The following LHFPL1 variants were observed in gnomAD, a reference collection of about 807,000 sequenced individuals.
LHFPL1 encodes the protein LHFPL tetraspan subfamily member 1 protein.
In LHFPL1, 4 loss-of-function variants were observed where a neutral mutation model predicts 12.1. That is an observed-to-expected ratio of 0.33 (90% CI 0.16 to 0.76). The LOEUF (loss-of-function observed/expected upper bound fraction) is 0.76. Ranked by LOEUF, LHFPL1 falls within the 30% of genes least tolerant of loss-of-function variation. LHFPL1 has a pLI of 0.61. For synonymous variants in LHFPL1, 52 were observed against 61.9 expected (o/e 0.84, Z 0.75); for missense variants, 141 against 174.1 (o/e 0.81, Z 1.07).
At chrX:112,640,223 T>C (rs1026155351) in intron 3 of LHFPL1, among the ~76,000 whole-genome samples, 1 of 111,055 alleles carries the variant, frequency 9.0e-6, no homozygotes, top group Non-Finnish European at 1.9e-5. Flanking sequence ...GGAAATAGAC[T>C]ATTAGTGTGA....
chrX:112,654,473 T>G (rs1323872476), intron 3 of LHFPL1, among the ~76,000 whole-genome samples: 1 of 111,233 alleles, frequency 9.0e-6, no homozygotes, highest in Admixed American at 9.6e-5. Context: ...AAACGCAAGG[T>G]GCAGAACAGT....
chrX:112,652,783 T>C (rs917512050), intron 3 of LHFPL1, among the ~76,000 whole-genome samples: 2 of 112,254 alleles, frequency 1.8e-5, no homozygotes, highest in Non-Finnish European at 3.8e-5. Context: ...TTGAGGTATA[T>C]GAGAGTCTTA....
intron 3 of LHFPL1, among the ~76,000 whole-genome samples, chrX:112,643,243 G>A (rs1348717752): frequency 1.8e-5 from 2 of 108,349 alleles, no homozygotes; most frequent in Non-Finnish European, 3.8e-5. Context: ...GCCGGGCGTG[G>A]TGGTGCATGC....
intron 3 of LHFPL1, 66 bp from the exon 4 acceptor site, chrX:112,631,667 C>T (rs984506593): frequency 1.4e-4 from 115 of 808,656 alleles, no homozygotes; most frequent in Non-Finnish European, 1.9e-4. Context: ...TGGTAATGAA[C>T]TATAGAAATG....
At chrX:112,665,391 A>G (rs1035390814) in intron 2 of LHFPL1, among the ~76,000 whole-genome samples, 1 of 111,013 alleles carries the variant, frequency 9.0e-6, no homozygotes, top group Non-Finnish European at 1.9e-5. Flanking sequence ...GGGTTTCACC[A>G]TGTTGCCCAG....
At chrX:112,658,106 A>G (rs1448424685) in intron 3 of LHFPL1, among the ~76,000 whole-genome samples, 1 of 111,381 alleles carries the variant, frequency 9.0e-6, no homozygotes, top group African/African-American at 3.3e-5. Context: ...AACGAGGACA[A>G]CAACAGCAAA....
chrX:112,650,015 G>A (rs1930808892), intron 3 of LHFPL1, among the ~76,000 whole-genome samples: 1 of 109,112 alleles, frequency 9.2e-6, no homozygotes, highest in African/African-American at 3.3e-5. Context: ...TAAGTTTTTA[G>A]TGGGACCTAT....
chrX:112,649,855 T>C (rs995426038), intron 3 of LHFPL1, among the ~76,000 whole-genome samples: 3 of 111,636 alleles, frequency 2.7e-5, no homozygotes, highest in Non-Finnish European at 5.6e-5. Flanking sequence ...TCATAATATG[T>C]ATATTCATGA....
At chrX:112,657,909 C>CAAAAAAAAA (rs57793060) in intron 3 of LHFPL1, among the ~76,000 whole-genome samples, 2 of 61,341 alleles carry the variant, frequency 3.3e-5, no homozygotes, top group African/African-American at 9.2e-5. Flanking sequence ...AAAACAGAAG[C>CAAAAAAAAA]AAAAAAAAAA....
At chrX:112,655,573 T>C (rs1930974325) in intron 3 of LHFPL1, among the ~76,000 whole-genome samples, 1 of 111,477 alleles carries the variant, frequency 9.0e-6, no homozygotes, top group South Asian at 3.8e-4. Context: ...GGATTGATAA[T>C]GCCCGCCTCT....
intron 3 of LHFPL1, among the ~76,000 whole-genome samples, chrX:112,643,598 C>T (rs371455087): frequency 1.8e-5 from 2 of 110,489 alleles, no homozygotes; most frequent in South Asian, 3.9e-4. Context: ...GGGAAACTTT[C>T]GCCATGATTC....
intron 3 of LHFPL1, among the ~76,000 whole-genome samples, chrX:112,657,138 TTAAAA>T (rs1473113048): frequency 5.3e-5 from 6 of 112,639 alleles, no homozygotes; most frequent in South Asian, 3.6e-4. Flanking sequence ...ATAAGGAATC[TTAAAA>T]TAAAATAAAA....
rs762441555 is a variant in LHFPL1 at position 112,646,086 on chromosome X, T to C, written c.482-14485A>G. On this transcript the variant is annotated intron_variant, in intron 3 of 3. Transcript: ENST00000371968. ...TTCAGTGCAGGTTCCCGGTTAATGT[T>C]TGTTCATTTTCTGTTTTAAATATTT... Among the ~76,000 whole-genome samples the C allele has an allele frequency of 2.7e-5, 3 of 111,600 alleles. No individual in the cohort carries two copies. In the South Asian group the frequency reaches 1.1e-3, roughly 42 times the overall value.
At chrX:112,644,942 C>A (rs1569361974) in intron 3 of LHFPL1, among the ~76,000 whole-genome samples, 1 of 112,170 alleles carries the variant, frequency 8.9e-6, no homozygotes, top group Non-Finnish European at 1.9e-5. Flanking sequence ...TTTGAACTGG[C>A]AAGAATGAGC....
At chrX:112,639,444 C>A (rs1041786079) in intron 3 of LHFPL1, among the ~76,000 whole-genome samples, 2 of 111,732 alleles carry the variant, frequency 1.8e-5, no homozygotes, top group Non-Finnish European at 1.9e-5. Flanking sequence ...GGGTTTTCAA[C>A]TTCATCACGG....
chrX:112,668,856 G>T (rs996142062), intron 2 of LHFPL1, among the ~76,000 whole-genome samples: 1 of 112,153 alleles, frequency 8.9e-6, no homozygotes, highest in African/African-American at 3.2e-5. Flanking sequence ...GCAACCTGGG[G>T]GTATGGGAGC....
At position 112,631,592 on chromosome X, in the gene LHFPL1, C is replaced by G; in HGVS notation, c.491G>C (p.Arg164Pro). 8.4e-7 allele frequency: 1 copy of G among 1,193,381 alleles called. No homozygotes were observed. Among genetic ancestry groups the G allele is most frequent in the Non-Finnish European group, 1.1e-6 (1 of 882,421 alleles). ...AGCACAGTAATAGGCCCAGCCAAGC[C>G]GACAGGTACCTGTGAGAACAGGGAC... ...VSNQFQLGTC[R>P]LGWAYYCAGG... Residue 164 changes from arginine (R) to proline (P), a missense_variant, in exon 4 of 4, where the codon CGG becomes CCG. Arg to Pro is a moderately radical substitution (Grantham distance 103). Transcript: ENST00000371968.
chrX:112,669,156 T>C (rs1364950859), intron 2 of LHFPL1, among the ~76,000 whole-genome samples: 2 of 112,834 alleles, frequency 1.8e-5, no homozygotes, highest in African/African-American at 6.4e-5. Flanking sequence ...AACATCTGCT[T>C]TGTGCCAGCC....
At chrX:112,667,409 C>T (rs922018050) in intron 2 of LHFPL1, among the ~76,000 whole-genome samples, 4 of 111,930 alleles carry the variant, frequency 3.6e-5, no homozygotes, top group Non-Finnish European at 3.8e-5. Flanking sequence ...GAATGGGAAA[C>T]GAGACCAGAG....
Sources: allele counts gnomAD v4.1 joint callset (sites outside exome capture counted in the v4.1 genomes callset), GRCh38; gene constraint gnomAD v4.1.1; transcripts MANE v1.5; gene names NCBI Gene and HGNC (gene_info 2026-07-23, HGNC 2026-07-21).